Variants in VGLL4 observed in about 807,000 individuals in gnomAD.
VGLL4 encodes transcription cofactor vestigial-like protein 4.
In VGLL4, 7 loss-of-function variants were observed where a neutral mutation model predicts 21.0. That is an observed-to-expected ratio of 0.33 (90% confidence interval 0.19 to 0.63). The LOEUF (loss-of-function observed/expected upper bound fraction) is 0.63. Ranked by LOEUF, VGLL4 falls within the 20% of genes least tolerant of loss-of-function variation. The pLI is 0.78. For synonymous variants in VGLL4, 222 were observed against 173.2 expected, an observed-to-expected ratio of 1.28 and a Z score of -2.21; for missense variants, 394 against 425.7, an observed-to-expected ratio of 0.93 and a Z score of 0.66.
At position 11,565,174 on chromosome 3, in the gene VGLL4, G is replaced by A. The variant is rs1047633951; in HGVS notation, c.273-155C>T. On this transcript the variant is annotated intron_variant, in intron 2 of 4. Transcript: ENST00000430365. This position sits in a 1 kb window ranked among gnomAD's most constrained non-coding sequence, Gnocchi z 4.1. ...ACGATGAGGAGCCGGTTGCCAGCCC[G>A]GGTCAGCCGGACACCAAAGCCTCTG... 4.6e-5 allele frequency among the ~76,000 whole-genome samples: 7 copies of A among 152,100 alleles called. No homozygotes were observed. The highest frequency in any genetic ancestry group is 1.9e-4 in the East Asian group (1 of 5,184).
chr3:11,662,782 G>C (rs1559931427), intron 2 of VGLL4, among the ~76,000 whole-genome samples: 1 of 152,174 alleles, frequency 6.6e-6, no homozygotes, highest in Admixed American at 6.5e-5. Context: ...TTACTGCCTG[G>C]AATGCAAATG....
chr3:11,584,847 C>T (rs964123329), intron 2 of VGLL4, among the ~76,000 whole-genome samples: 23 of 151,754 alleles, frequency 1.5e-4, no homozygotes, highest in Non-Finnish European at 8.8e-5. Flanking sequence ...CTTCAGGAGG[C>T]GGAAGGCGCC....
intron 3 of VGLL4, among the ~76,000 whole-genome samples, chr3:11,560,730 C>G (rs2072907497): frequency 6.6e-6 from 1 of 152,198 alleles, no homozygotes; most frequent in Non-Finnish European, 1.5e-5. Context: ...ACCAAGAATT[C>G]AGGGTTTCTT....
At chr3:11,710,961 G>A (rs565542902) in intron 1 of VGLL4, among the ~76,000 whole-genome samples, 71 of 152,088 alleles carry the variant, frequency 4.7e-4, no homozygotes, top group South Asian at 2.7e-3. Flanking sequence ...TTAGCTGGGC[G>A]TGGTGGTGAG....
At chr3:11,703,174 C>T (rs527343758) in intron 1 of VGLL4, 1 of 776,476 alleles carries the variant, frequency 1.3e-6, no homozygotes, top group Admixed American at 3.3e-5. Context: ...TGAAATTCTT[C>T]CCACATGAGG....
At chr3:11,704,384 A>C (rs2076728120) in intron 1 of VGLL4, among the ~76,000 whole-genome samples, 3 of 12,206 alleles carry the variant, frequency 2.5e-4, no homozygotes, top group Non-Finnish European at 5.7e-4. Context: ...ACTCCGTCTC[A>C]AAAAAAAAAA....
chr3:11,712,056 C>T (rs981225090), intron 1 of VGLL4, among the ~76,000 whole-genome samples: 3 of 152,200 alleles, frequency 2.0e-5, no homozygotes, highest in Admixed American at 6.5e-5. Flanking sequence ...TCTCAAACCA[C>T]CCCTCTCTGC....
intron 2 of VGLL4, among the ~76,000 whole-genome samples, chr3:11,695,055 T>TC (rs1158532053): frequency 6.6e-6 from 1 of 150,694 alleles, no homozygotes. Flanking sequence ...TCTCATTCTT[T>TC]TTTTTTTTTT....
intron 3 of VGLL4, among the ~76,000 whole-genome samples, chr3:11,563,956 C>G (rs1173162821): frequency 1.3e-5 from 2 of 152,174 alleles, no homozygotes; most frequent in South Asian, 2.1e-4. Flanking sequence ...TGGAGGGAAG[C>G]CCCGGTGAGG....
At chr3:11,590,533 G>C (rs2074463536) in intron 2 of VGLL4, among the ~76,000 whole-genome samples, 1 of 152,184 alleles carries the variant, frequency 6.6e-6, no homozygotes, top group African/African-American at 2.4e-5. Context: ...GGGCTGGAAG[G>C]CTCGGATCCA....
intron 1 of VGLL4, chr3:11,626,337 A>G (rs1399805556): frequency 2.2e-6 from 1 of 456,818 alleles, no homozygotes; most frequent in East Asian, 6.9e-5. Flanking sequence ...GACCACACAA[A>G]GTCAAAACAA....
At chr3:11,590,541 C>A (rs532390690) in intron 2 of VGLL4, among the ~76,000 whole-genome samples, 2 of 152,276 alleles carry the variant, frequency 1.3e-5, no homozygotes, top group East Asian at 3.9e-4. Flanking sequence ...AGGCTCGGAT[C>A]CAGAACTCAG....
intron 2 of VGLL4, among the ~76,000 whole-genome samples, chr3:11,690,138 G>A (rs1465536227): frequency 2.0e-5 from 3 of 151,928 alleles, no homozygotes; most frequent in Admixed American, 1.3e-4. Flanking sequence ...GTTAGTCACT[G>A]TAAACTCAGC....
At position 11,568,496 on chromosome 3, in the gene VGLL4, G is replaced by A. The variant is rs144903191; in HGVS notation, c.273-3477C>T. 1,860 of 1,447,262 alleles carry A rather than the reference G, an allele frequency of 1.3e-3. 25 individuals are homozygous for A. In the Admixed American group the frequency reaches 0.021, roughly 16 times the overall value. The allele number at this position is 1,447,262 out of a possible 1,614,324, so 89.7% of individuals were successfully genotyped here. ...GGCCCACTAACTGGAAAGACAGTCC[G>A]TGGAACACAGCACAGTGGGCACTAT... On this transcript the variant is annotated intron_variant, in intron 2 of 4. Transcript: ENST00000430365. The surrounding 1 kb of genome is among the most constrained non-coding windows in gnomAD (Gnocchi z 5.9).
Position 11,564,856 on chromosome 3 carries a change from G to C in VGLL4, c.436C>G (p.Leu146Val). 1 of 1,607,852 alleles carries C rather than the reference G, an allele frequency of 6.2e-7. No individual in the cohort carries two copies. Among genetic ancestry groups the C allele is most frequent in the Non-Finnish European group, 8.5e-7 (1 of 1,178,158 alleles). ...EQPLALTKNS[L>V]DASRPAGLSP... ...AGGCCGGCTGGCCTGCTGGCGTCCA[G>C]GCTGTTCTTGGTCAGTGCGAGGGGC... Residue 146 changes from leucine (L) to valine (V), a missense_variant, in exon 3 of 5, where the codon CTG (leucine) becomes GTG (valine). By Grantham distance (32) the Leu-to-Val change is conservative. Coordinates refer to ENST00000430365, the MANE Select transcript of VGLL4 (RefSeq NM_001128219.3).
At chr3:11,596,362 A>G (rs1275965280) in intron 2 of VGLL4, among the ~76,000 whole-genome samples, 1 of 152,242 alleles carries the variant, frequency 6.6e-6, no homozygotes, top group Admixed American at 6.5e-5. Context: ...AGCATGGGAG[A>G]AGGAAAAACC....
chr3:11,666,285 C>T (rs888986441), intron 2 of VGLL4, among the ~76,000 whole-genome samples: 1 of 150,952 alleles, frequency 6.6e-6, no homozygotes, highest in Non-Finnish European at 1.5e-5. Context: ...TTCTGTGCTG[C>T]GGGAAAGCAC....
chr3:11,690,660 C>T (rs1014721697), intron 2 of VGLL4, among the ~76,000 whole-genome samples: 17 of 151,832 alleles, frequency 1.1e-4, no homozygotes, highest in African/African-American at 4.1e-4. Flanking sequence ...AAAAAAAACA[C>T]ATATATGTAA....
At chr3:11,595,539 A>T (rs1360891273) in intron 2 of VGLL4, among the ~76,000 whole-genome samples, 34 of 150,982 alleles carry the variant, frequency 2.3e-4, no homozygotes, top group African/African-American at 4.9e-4. Context: ...ATGCACACGT[A>T]TGTTTATTGC....
Sources: gnomAD v4.1 joint callset for allele counts (sites outside exome capture counted in the v4.1 genomes callset) on GRCh38, gnomAD v4.1.1 for gene constraint, Gnocchi (gnomAD v3.1) non-coding constraint, MANE v1.5 for transcripts, NCBI Gene and HGNC (gene_info 2026-07-23, HGNC 2026-07-21) for gene names.